BCKDHB: variants seen among roughly 807,000 people sequenced by gnomAD.
BCKDHB encodes the protein branched chain keto acid dehydrogenase E1 subunit beta, also known as 2-oxoisovalerate dehydrogenase subunit beta, mitochondrial.
A neutral mutation model predicts 48.5 loss-of-function variants in BCKDHB; 41 were observed. The ratio of observed to expected loss-of-function variants is 0.85; its 90% CI spans 0.66 to 1.10. The LOEUF (loss-of-function observed/expected upper bound fraction) is 1.10, where lower values mean the gene tolerates loss of function less well. Among genes scored for constraint, BCKDHB ranks in the 50% least tolerant of loss-of-function variants. The probability of loss-of-function intolerance (pLI) is 0.00; values close to 1 mark genes in which losing one functional copy is unlikely to be tolerated. For missense variants in BCKDHB, 496 were observed against 494.2 expected (o/e 1.00, Z -0.03); for synonymous variants, 201 against 174.8 (o/e 1.15, Z -1.18).
At chr6:80,173,631 T>C (rs1773019592) in intron 6 of BCKDHB, among the ~76,000 whole-genome samples, 1 of 152,154 alleles carries the variant, frequency 6.6e-6, no homozygotes, top group Non-Finnish European at 1.5e-5. Flanking sequence ...TGCTCAAGTT[T>C]GCGAAACACT....
rs139202486 is a variant in BCKDHB, at chr6:80,178,256, C to A, written c.742+6866C>A. 9.6e-4 allele frequency among the ~76,000 whole-genome samples: 146 copies of A among 152,298 alleles called. 1 individual carries two copies. The highest frequency in any genetic ancestry group is 3.4e-3 in the African/African-American group (140 of 41,576). The stretch of plus-strand genomic sequence containing the variant: ...TCCAAATTACTCTTACTCCTTTAAT[C>A]TTCCTTTGATTAGTAAGCTTCTTTC... On this transcript the variant is annotated intron_variant, in intron 6 of 9. Transcript: ENST00000320393.
Position 80,266,776 on chromosome 6 carries a change from A to G in BCKDHB, c.952-6359A>G, listed in dbSNP as rs534759605. Among the ~76,000 whole-genome samples, 3 of 152,206 alleles carry G rather than the reference A, an allele frequency of 2.0e-5. No homozygotes were observed. In the East Asian group the frequency reaches 5.8e-4, roughly 29 times the overall value. Reference sequence around the variant, plus strand: ...CATTACTGGTCCCCTCTAAGATATGAAAGACATCAGAGACTTCCAGTCTTG... The same window carrying G: ...CATTACTGGTCCCCTCTAAGATATGGAAGACATCAGAGACTTCCAGTCTTG... On this transcript the variant is annotated intron_variant, in intron 8 of 9. Coordinates refer to ENST00000320393, the MANE Select transcript of BCKDHB (RefSeq NM_183050.4).
chr6:80,221,419 T>G (rs1775447340), intron 8 of BCKDHB, among the ~76,000 whole-genome samples: 2 of 152,230 alleles, frequency 1.3e-5, no homozygotes, highest in Non-Finnish European at 1.5e-5. Context: ...TCTGTCATCT[T>G]GAACTGGAAA....
intron 3 of BCKDHB, among the ~76,000 whole-genome samples, chr6:80,154,495 A>T (rs556021366): frequency 6.6e-6 from 1 of 152,120 alleles, no homozygotes; most frequent in Non-Finnish European, 1.5e-5. Flanking sequence ...TAAAGATCTT[A>T]TCTAAGTTGT....
intron 6 of BCKDHB, among the ~76,000 whole-genome samples, chr6:80,182,595 C>G (rs1308460365): frequency 6.6e-6 from 1 of 152,050 alleles, no homozygotes; most frequent in Non-Finnish European, 1.5e-5. Context: ...TGAAAGTTCC[C>G]TTTTCCTACT....
At position 80,152,573 on chromosome 6, in the gene BCKDHB, A is replaced by G. The variant is rs202146997; in HGVS notation, c.344-15105A>G. On this transcript the variant is annotated intron_variant, in intron 3 of 9. Transcript: ENST00000320393. ...TAGGTCATAATCATTTGTTTCATTC[A>G]TGACAGGGTGATTTCCAAAGTACAG... is the stretch of plus-strand genomic sequence containing the variant. 5.9e-5 allele frequency among the ~76,000 whole-genome samples: 9 copies of G among 152,308 alleles called. No individual in the cohort carries two copies. In the East Asian group the frequency reaches 7.7e-4, roughly 13 times the overall value.
chr6:80,408,389 CCTT>C, the BCKDHB span, among the ~76,000 whole-genome samples: 1 of 151,992 alleles, frequency 6.6e-6, no homozygotes, highest in Non-Finnish European at 1.5e-5. Context: ...AGGGAGGATT[CCTT>C]CTTTTTCTTT....
intron 1 of BCKDHB, among the ~76,000 whole-genome samples, chr6:80,122,173 G>A (rs1770061643): frequency 6.6e-6 from 1 of 152,196 alleles, no homozygotes; most frequent in African/African-American, 2.4e-5. Context: ...TGCATATGTT[G>A]AACCAGCCTT....
chr6:80,147,842 T>G (rs73479940), intron 3 of BCKDHB, among the ~76,000 whole-genome samples: 1,688 of 151,940 alleles, frequency 0.011, 29 homozygotes, highest in African/African-American at 0.039. Flanking sequence ...TAAATTGTGG[T>G]AGTGGAGGGA....
the BCKDHB span, among the ~76,000 whole-genome samples, chr6:80,407,671 A>T: frequency 6.6e-6 from 1 of 152,124 alleles, no homozygotes; most frequent in Non-Finnish European, 1.5e-5. Context: ...TTAGTGGTGT[A>T]TAGGAATGCT....
chr6:80,160,032 A>T (rs1772236081), intron 3 of BCKDHB, among the ~76,000 whole-genome samples: 1 of 152,248 alleles, frequency 6.6e-6, no homozygotes, highest in Non-Finnish European at 1.5e-5. Flanking sequence ...TAACTTGCAG[A>T]TCTACTTTGT....
At position 80,151,425 on chromosome 6, in the gene BCKDHB, TTTTTTTTG is replaced by T. The variant is rs1303641670; in HGVS notation, c.344-16239_344-16232del. On this transcript the variant is annotated intron_variant, in intron 3 of 9. Transcript: ENST00000320393. ...ATTTAATTTTTAAAACTAACTTTTT[TTTTTTTTG>T]TTTTTTTGTTTTTGGCCAAACATTA... Among the ~76,000 whole-genome samples, 385 of 150,284 alleles carry T rather than the reference TTTTTTTTG, an allele frequency of 2.6e-3. 3 individuals are homozygous for T. Among genetic ancestry groups the T allele is most frequent in the African/African-American group, 8.6e-3 (349 of 40,746 alleles).
At chr6:80,187,811 A>G (rs1773716748) in intron 6 of BCKDHB, among the ~76,000 whole-genome samples, 1 of 152,188 alleles carries the variant, frequency 6.6e-6, no homozygotes, top group Non-Finnish European at 1.5e-5. Context: ...AGCTATTATT[A>G]AAAAGTCAGA....
At chr6:80,451,043 A>T in the BCKDHB span, among the ~76,000 whole-genome samples, 1 of 152,312 alleles carries the variant, frequency 6.6e-6, no homozygotes, top group Non-Finnish European at 1.5e-5. Context: ...TTTTTTAGAG[A>T]CTTCTTGTAG....
the BCKDHB span, among the ~76,000 whole-genome samples, chr6:80,393,795 C>T: frequency 2.0e-5 from 3 of 152,292 alleles, no homozygotes; most frequent in South Asian, 2.1e-4. Context: ...TTATTTCCTA[C>T]GTTGAACCAC....
intron 1 of BCKDHB, among the ~76,000 whole-genome samples, chr6:80,107,966 G>A (rs1769214232): frequency 6.6e-6 from 1 of 152,130 alleles, no homozygotes; most frequent in African/African-American, 2.4e-5. Context: ...GACATTTTTG[G>A]AAGTGTGTCT....
Position 80,317,794 on chromosome 6 carries a change from C to A in BCKDHB, c.1039-25870C>A, listed in dbSNP as rs564423362. Among the ~76,000 whole-genome samples, 5 of 152,316 alleles carry A rather than the reference C, an allele frequency of 3.3e-5. No individual in the cohort carries two copies. The East Asian group carries it at 9.6e-4, about 29-fold the overall frequency. On this transcript the variant is annotated intron_variant, in intron 9 of 9. Coordinates refer to ENST00000320393, the MANE Select transcript of BCKDHB (RefSeq NM_183050.4). ...TTGAAGGAACCTAGCCATTTCTCTT[C>A]TACCTCACCACAGTGGGCCCAGGAT...
chr6:80,401,819 T>C, the BCKDHB span, among the ~76,000 whole-genome samples: 2 of 151,876 alleles, frequency 1.3e-5, no homozygotes, highest in African/African-American at 4.8e-5. Flanking sequence ...ATATAAATTA[T>C]ATTATACAGT....
chr6:80,431,909 A>G, the BCKDHB span, among the ~76,000 whole-genome samples: 1 of 152,186 alleles, frequency 6.6e-6, no homozygotes, highest in African/African-American at 2.4e-5. Context: ...ATCTCTCAGC[A>G]TTTGCTTGTC....
Sources: gnomAD v4.1 joint callset for allele counts (sites outside exome capture counted in the v4.1 genomes callset) on GRCh38, gnomAD v4.1.1 for gene constraint, MANE v1.5 for transcripts, NCBI Gene and HGNC (gene_info 2026-07-23, HGNC 2026-07-21) for gene names.